MYH9: variants seen among roughly 807,000 people sequenced by gnomAD.
The protein encoded by MYH9 is myosin-9.
Under a neutral mutation model 241.9 loss-of-function variants are expected in MYH9, and 29 were observed. The ratio of observed to expected loss-of-function variants is 0.12; its 90% CI spans 0.09 to 0.16. The LOEUF (loss-of-function observed/expected upper bound fraction) is 0.16, where lower values mean the gene tolerates loss of function less well. Ranked by LOEUF, MYH9 falls within the 10% of genes least tolerant of loss-of-function variation. The pLI is 1.00. For missense variants in MYH9, 1,803 were observed against 2,595.5 expected (o/e 0.69, Z 6.63); for synonymous variants, 1,047 against 1,062.6 (o/e 0.99, Z 0.29).
chr22:36,295,426 AG>A lies in MYH9; in HGVS notation c.3485+78del. 1 of 1,136,466 alleles carries A rather than the reference AG, an allele frequency of 8.8e-7. No homozygotes were observed. The highest frequency in any genetic ancestry group is 1.5e-5 in the African/African-American group (1 of 65,618). 70.4% of individuals were successfully genotyped at this position (1,136,466 alleles called of 1,614,324 possible). A position where few individuals can be genotyped will look rare whatever the true frequency, so the allele number is the denominator to read the frequency against. On this transcript the variant is annotated intron_variant, in intron 26 of 40. Coordinates refer to ENST00000216181, the MANE Select transcript of MYH9 (RefSeq NM_002473.6). The surrounding 1 kb of genome is among the most constrained non-coding windows in gnomAD (Gnocchi z 4.1). ...GGTGTGTGTGTGTGTGTGTGTGCAG[AG>A]GCCCGGGGTCCATGTCTCCAAGCCA... is the stretch of plus-strand genomic sequence containing the variant.
At position 36,285,281 on chromosome 22, in the gene MYH9, T is replaced by C. The variant is rs145139708; in HGVS notation, c.5323A>G (p.Lys1775Glu). ...AGCTGCTGCCGAGCATTCTCGTTCT[T>C]CTGGGCGTGGCTGCGCTCCAGGTTC... is the stretch of plus-strand genomic sequence containing the variant. Reference protein sequence around the residue: ...DLNLERSHAQKNENARQQLER... With the variant: ...DLNLERSHAQENENARQQLER... Residue 1775 changes from lysine to glutamate, a missense_variant, in exon 38 of 41, where the codon AAG (lysine) becomes GAG (glutamate). Lys to Glu is a moderately conservative substitution (Grantham distance 56, BLOSUM62 1). Around this residue, in one of 11 missense-constraint regions of MYH9, gnomAD observed 876 missense variants for 1,077.8 expected, o/e 0.81. Transcript: ENST00000216181. This position sits in a 1 kb window ranked among gnomAD's most constrained non-coding sequence, Gnocchi z 7.0. 2.0e-3 allele frequency: 3,160 copies of C among 1,613,778 alleles called. 10 individuals carry two copies. The highest frequency in any genetic ancestry group is 2.4e-3 in the Non-Finnish European group (2,802 of 1,180,032).
At chr22:36,294,344 A>G in intron 27 of MYH9, 46 bp from the exon 28 acceptor site, 3 of 1,594,866 alleles carry the variant, frequency 1.9e-6, no homozygotes, top group Non-Finnish European at 2.6e-6. Flanking sequence ...CTCCTGACAC[A>G]AGGCTGGCTG....
chr22:36,356,665 C>T (rs1252280716), intron 1 of MYH9, among the ~76,000 whole-genome samples: 2 of 147,262 alleles, frequency 1.4e-5, no homozygotes, highest in African/African-American at 2.5e-5. Context: ...ATTTGATTCA[C>T]TTATTCAATC....
intron 1 of MYH9, among the ~76,000 whole-genome samples, chr22:36,354,962 C>A (rs921742276): frequency 1.4e-5 from 2 of 143,704 alleles, no homozygotes; most frequent in Non-Finnish European, 3.0e-5. Flanking sequence ...ACAAAACACA[C>A]ACACACACAC....
At chr22:36,316,482 A>G (rs566326141) in intron 12 of MYH9, 35 bp downstream of exon 12, 11 of 1,613,894 alleles carry the variant, frequency 6.8e-6, no homozygotes, top group Non-Finnish European at 9.3e-6. Flanking sequence ...CAGGCCAAGG[A>G]GGCAGCAGGG....
chr22:36,297,328 T>C, intron 24 of MYH9: 1 of 369,576 alleles, frequency 2.7e-6, no homozygotes, highest in Non-Finnish European at 5.0e-6. Context: ...CTAAAAAACA[T>C]GTTCAATTGT....
intron 3 of MYH9, among the ~76,000 whole-genome samples, chr22:36,332,661 TAAAAAAA>T (rs67602880): frequency 3.2e-3 from 142 of 44,506 alleles, no homozygotes; most frequent in African/African-American, 0.013. Flanking sequence ...TCTGGATAAT[TAAAAAAA>T]AAAAAAAAAA....
chr22:36,354,578 G>C (rs765149566), intron 1 of MYH9, among the ~76,000 whole-genome samples: 16 of 151,432 alleles, frequency 1.1e-4, no homozygotes, highest in Non-Finnish European at 1.5e-4. Flanking sequence ...CGAGTAGCTG[G>C]GATTACAGGC....
rs775017137 is a variant in MYH9 at position 36,288,702 on chromosome 22, T to A, written c.4770+25A>T. On this transcript the variant is annotated intron_variant, in intron 33 of 40. Transcript: ENST00000216181. This position sits in a 1 kb window ranked among gnomAD's most constrained non-coding sequence, Gnocchi z 4.8. ...AAGCCAAGGCAGCCTTGGGCACCCATGGGGTAGCAGGAGGCCATGCACACC... is the reference window on the plus strand; with the variant it reads ...AAGCCAAGGCAGCCTTGGGCACCCAAGGGGTAGCAGGAGGCCATGCACACC... The A allele has an allele frequency of 6.3e-7, 1 of 1,599,814 alleles. No individual in the cohort carries two copies. The highest frequency in any genetic ancestry group is 1.7e-5 in the Admixed American group (1 of 60,018).
At chr22:36,327,533 G>C (rs565119165) in intron 3 of MYH9, 45 bp from the exon 4 acceptor site, 1 of 1,612,354 alleles carries the variant, frequency 6.2e-7, no homozygotes, top group East Asian at 2.2e-5. Flanking sequence ...AGATGCAAAA[G>C]CCTCCCCACC....
rs756137861 is a variant in MYH9, at chr22:36,306,034, C to T, written c.2055G>A (p.Pro685=). Residue 685 remains proline, a synonymous_variant, in exon 17 of 41, where the codon CCG becomes CCA. Transcript: ENST00000216181. This position sits in a 1 kb window ranked among gnomAD's most constrained non-coding sequence, Gnocchi z 4.1. ...AGCGCAGCTGGTCCAGCACGAGATG[C>T]GGGTCCAGCTTGCCGGCCTGGAGAA... The part of the protein sequence containing the change: ...NHEKKAGKLD[P]HLVLDQLRCN... 35 of 1,613,092 alleles carry T rather than the reference C, an allele frequency of 2.2e-5. No individual in the cohort carries two copies. The highest frequency in any genetic ancestry group is 4.0e-5 in the African/African-American group (3 of 74,934).
Position 36,316,597 on chromosome 22 carries a change from T to C in MYH9, c.1300A>G (p.Asn434Asp). 1 of 1,614,120 alleles carries C rather than the reference T, an allele frequency of 6.2e-7. No individual in the cohort carries two copies. The highest frequency in any genetic ancestry group is 1.7e-5 in the Admixed American group (1 of 60,034). ...RMFRWLVLRI[N>D]KALDKTKRQG... ...CTCTTGGTCTTGTCCAGAGCCTTGT[T>C]GATGCGCAGCACCAGCCAGCGGAAC... Residue 434 changes from asparagine (N) to aspartate (D), a missense_variant, in exon 12 of 41, where the codon AAC becomes GAC. Around this residue, in one of 11 missense-constraint regions of MYH9, gnomAD observed 222 missense variants for 359.9 expected, o/e 0.62. Coordinates refer to ENST00000216181, the MANE Select transcript of MYH9 (RefSeq NM_002473.6).
At chr22:36,359,497 T>A (rs2017904089) in intron 1 of MYH9, among the ~76,000 whole-genome samples, 1 of 152,212 alleles carries the variant, frequency 6.6e-6, no homozygotes, top group Non-Finnish European at 1.5e-5. Context: ...AAACCATTTA[T>A]GGACTAATTT....
In MYH9 at chr22:36,295,460, C is replaced by T. The variant is rs780734940; in HGVS notation, c.3485+45G>A. The T allele has an allele frequency of 1.3e-6, 2 of 1,559,726 alleles. No homozygotes were observed. Among genetic ancestry groups the T allele is most frequent in the Non-Finnish European group, 1.8e-6 (2 of 1,138,864 alleles). The stretch of plus-strand genomic sequence containing the variant: ...GTCCATGTCTCCAAGCCAAGGCCCC[C>T]CTGGCTGCCCTCCCCATCCCGAGGG... On this transcript the variant is annotated intron_variant, in intron 26 of 40. Coordinates refer to ENST00000216181, the MANE Select transcript of MYH9 (RefSeq NM_002473.6). The surrounding 1 kb of genome is among the most constrained non-coding windows in gnomAD (Gnocchi z 4.1).
chr22:36,360,807 G>A (rs1446671625), intron 1 of MYH9, among the ~76,000 whole-genome samples: 1 of 152,210 alleles, frequency 6.6e-6, no homozygotes, highest in East Asian at 1.9e-4. Context: ...TGCTGGTCTG[G>A]GAAATGCTGG....
At position 36,322,315 on chromosome 22, in the gene MYH9, G is replaced by A. The variant is rs190941385; in HGVS notation, c.705+114C>T. On this transcript the variant is annotated intron_variant, in intron 6 of 40. Coordinates refer to ENST00000216181, the MANE Select transcript of MYH9 (RefSeq NM_002473.6). ...TCCACACGACAGGCCAGATAGCACCGAGTCTGAACCGTCCTCGGTTTTGAG... is the reference window on the plus strand; with the variant it reads ...TCCACACGACAGGCCAGATAGCACCAAGTCTGAACCGTCCTCGGTTTTGAG... 5.6e-4 allele frequency: 651 copies of A among 1,168,638 alleles called. 3 individuals are homozygous for A. The African/African-American group carries it at 6.2e-3, about 11-fold the overall frequency. The allele number at this position is 1,168,638 out of a possible 1,614,324, so 72.4% of individuals were successfully genotyped here. A position where few individuals can be genotyped will look rare whatever the true frequency, so the allele number is the denominator to read the frequency against.
In MYH9 at chr22:36,306,799, G is replaced by A. The variant is rs2016978591; in HGVS notation, c.1844-192C>T. Among the ~76,000 whole-genome samples the A allele has an allele frequency of 6.6e-6, 1 of 152,208 alleles. No individual in the cohort carries two copies. Among genetic ancestry groups the A allele is most frequent in the Admixed American group, 6.5e-5 (1 of 15,282 alleles). Reference sequence around the variant, plus strand: ...CCAAACACAGCGGGAAGCCAAGGGGGATGCAAAGGCACTGGGCTTGTCTCT... The same window carrying A: ...CCAAACACAGCGGGAAGCCAAGGGGAATGCAAAGGCACTGGGCTTGTCTCT... On this transcript the variant is annotated intron_variant, in intron 15 of 40. Transcript: ENST00000216181. This position sits in a 1 kb window ranked among gnomAD's most constrained non-coding sequence, Gnocchi z 4.1.
At chr22:36,319,284 A>G (rs1187176889) in intron 10 of MYH9, among the ~76,000 whole-genome samples, 2 of 152,178 alleles carry the variant, frequency 1.3e-5, no homozygotes, top group South Asian at 2.1e-4. Context: ...GTCCTGACGA[A>G]TGGTTTGGTC....
chr22:36,284,313 C>T lies in MYH9; in HGVS notation c.5593-48G>A, dbSNP rs372554188. 29 of 1,603,762 alleles carry T rather than the reference C, an allele frequency of 1.8e-5. No homozygotes were observed. In the African/African-American group the frequency reaches 2.5e-4, roughly 14 times the overall value. ...CGTGGCCCCGGTTAGGGGCTCTGGG[C>T]GTGCAGCCAGTCAGCCCCACTGCCC... On this transcript the variant is annotated intron_variant, in intron 39 of 40. Coordinates refer to ENST00000216181, the MANE Select transcript of MYH9 (RefSeq NM_002473.6).
Sources: gnomAD v4.1 joint callset for allele counts (sites outside exome capture counted in the v4.1 genomes callset) on GRCh38, gnomAD v4.1.1 for gene constraint, gnomAD v4.1.1 regional missense constraint, Gnocchi (gnomAD v3.1) non-coding constraint, MANE v1.5 for transcripts, NCBI Gene and HGNC (gene_info 2026-07-23, HGNC 2026-07-21) for gene names.